Variants in SH3BP4 observed in about 807,000 individuals in gnomAD.
The protein encoded by SH3BP4 is SH3 domain binding protein 4.
In SH3BP4, 33 loss-of-function variants were observed where a neutral mutation model predicts 65.5. The observed-to-expected ratio is 0.50, with a 90% CI of 0.38 to 0.67. The LOEUF (loss-of-function observed/expected upper bound fraction) is 0.67, where lower values mean the gene tolerates loss of function less well. SH3BP4 is among the 30% of genes least tolerant of loss of function. The pLI is 0.00. For synonymous variants in SH3BP4, 552 were observed against 545.5 expected, an observed-to-expected ratio of 1.01 and a Z score of -0.17; for missense variants, 1,134 against 1,261.4, an observed-to-expected ratio of 0.90 and a Z score of 1.53.
chr2:235,049,987 T>G (rs1049886791), intron 4 of SH3BP4, among the ~76,000 whole-genome samples: 86 of 152,174 alleles, frequency 5.7e-4, no homozygotes, highest in African/African-American at 2.0e-3. Context: ...CATTTCTCGG[T>G]GTGAAACCCA....
At chr2:235,020,088 A>T (rs1246279127) in intron 2 of SH3BP4, among the ~76,000 whole-genome samples, 1 of 152,222 alleles carries the variant, frequency 6.6e-6, no homozygotes, top group Admixed American at 6.5e-5. Context: ...AAGGCAGTGA[A>T]ACAGACACCA....
At chr2:235,011,310 T>C (rs1694497631) in intron 2 of SH3BP4, among the ~76,000 whole-genome samples, 1 of 152,262 alleles carries the variant, frequency 6.6e-6, no homozygotes, top group Non-Finnish European at 1.5e-5. Context: ...TCAAAAAATA[T>C]CTGCCTTCAT....
intron 5 of SH3BP4, 56 bp from the exon 6 acceptor site, chr2:235,053,536 C>T: frequency 2.2e-6 from 3 of 1,357,416 alleles, no homozygotes; most frequent in South Asian, 1.2e-5. Context: ...CTCGTTCTGT[C>T]TCCTAATCTT....
At chr2:235,005,650 C>T (rs944577725) in intron 2 of SH3BP4, among the ~76,000 whole-genome samples, 9 of 152,192 alleles carry the variant, frequency 5.9e-5, no homozygotes, top group African/African-American at 1.7e-4. Context: ...TTGGCTTCCT[C>T]GTGTCCAGGC....
chr2:234,969,604 G>C (rs1489637485), intron 1 of SH3BP4, among the ~76,000 whole-genome samples: 2 of 152,198 alleles, frequency 1.3e-5, no homozygotes. Context: ...GACTTCCAAG[G>C]GCTTCGTGGT....
At chr2:235,024,778 A>C (rs906377889) in intron 2 of SH3BP4, among the ~76,000 whole-genome samples, 1 of 152,184 alleles carries the variant, frequency 6.6e-6, no homozygotes, top group African/African-American at 2.4e-5. Flanking sequence ...GGGTTGATTG[A>C]TAAAGAAGTA....
At chr2:235,044,001 G>C (rs899465153) in intron 4 of SH3BP4, among the ~76,000 whole-genome samples, 1 of 152,248 alleles carries the variant, frequency 6.6e-6, no homozygotes, top group African/African-American at 2.4e-5. Flanking sequence ...AAGGCGGCCT[G>C]TGCTCTCGCC....
At position 234,977,440 on chromosome 2, in the gene SH3BP4, C is replaced by T. The variant is rs906282016; in HGVS notation, c.-206-17863C>T. 2.0e-5 allele frequency among the ~76,000 whole-genome samples: 3 copies of T among 152,226 alleles called. No homozygotes were observed. Among genetic ancestry groups the T allele is most frequent in the African/African-American group, 7.2e-5 (3 of 41,460 alleles). ...TCCTGGCCAGTGAGGAGCTTCTAAACACGGAGGCAGATCAGCTTTTTGCCG... is the reference window on the plus strand; with the variant it reads ...TCCTGGCCAGTGAGGAGCTTCTAAATACGGAGGCAGATCAGCTTTTTGCCG... On this transcript the variant is annotated intron_variant, in intron 1 of 5. Coordinates refer to ENST00000392011, the MANE Select transcript of SH3BP4 (RefSeq NM_014521.3). This position sits in a 1 kb window ranked among gnomAD's most constrained non-coding sequence, Gnocchi z 5.1.
At chr2:235,047,822 T>C (rs1695918153) in intron 4 of SH3BP4, among the ~76,000 whole-genome samples, 1 of 151,968 alleles carries the variant, frequency 6.6e-6, no homozygotes, top group Non-Finnish European at 1.5e-5. Context: ...GGCGTTTTGG[T>C]CAAGTTGCGG....
intron 2 of SH3BP4, among the ~76,000 whole-genome samples, chr2:235,014,316 C>T (rs1222289552): frequency 1.3e-5 from 2 of 152,138 alleles, no homozygotes; most frequent in African/African-American, 2.4e-5. Context: ...GTGGAGGCCT[C>T]GTCCCTCTTT....
chr2:234,976,708 G>A lies in SH3BP4; in HGVS notation c.-206-18595G>A, dbSNP rs557849463. Among the ~76,000 whole-genome samples the A allele has an allele frequency of 5.9e-5, 9 of 151,786 alleles. No homozygotes were observed. Among genetic ancestry groups the A allele is most frequent in the Non-Finnish European group, 1.2e-4 (8 of 68,022 alleles). On this transcript the variant is annotated intron_variant, in intron 1 of 5. Transcript: ENST00000392011. The surrounding 1 kb of genome is among the most constrained non-coding windows in gnomAD (Gnocchi z 4.7). Reference sequence around the variant, plus strand: ...TGTGGCAAGAAGGACACCTGCCTCTGGTCTTCCTCTCAGTAACACACAACC... The same window carrying A: ...TGTGGCAAGAAGGACACCTGCCTCTAGTCTTCCTCTCAGTAACACACAACC...
In SH3BP4 at chr2:235,014,093, TA is replaced by T. The variant is rs200365903; in HGVS notation, c.-133+18727del. On this transcript the variant is annotated intron_variant, in intron 2 of 5. Transcript: ENST00000392011. Reference sequence around the variant, plus strand: ...CTATTAAAGTATATGTTAATCAACTTAAAAAAAAAAGAAATGCCTTTGCGTG... The same window carrying T: ...CTATTAAAGTATATGTTAATCAACTTAAAAAAAAAGAAATGCCTTTGCGTG... Among the ~76,000 whole-genome samples, 15 of 149,194 alleles carry T rather than the reference TA, an allele frequency of 1.0e-4. No individual in the cohort carries two copies. The East Asian group carries it at 1.2e-3, about 12-fold the overall frequency.
At chr2:235,029,968 G>A (rs181263003) in intron 2 of SH3BP4, among the ~76,000 whole-genome samples, 174 of 152,320 alleles carry the variant, frequency 1.1e-3, no homozygotes, top group African/African-American at 3.9e-3. Flanking sequence ...AGAGGTGGAC[G>A]GTGTTGGGCC....
intron 3 of SH3BP4, among the ~76,000 whole-genome samples, chr2:235,038,381 ATAT>A (rs1695515439): frequency 2.5e-5 from 1 of 40,426 alleles, no homozygotes; most frequent in African/African-American, 1.3e-4. Flanking sequence ...ATATACATAT[ATAT>A]ATATATATAT....
intron 2 of SH3BP4, among the ~76,000 whole-genome samples, chr2:235,022,508 G>A (rs145534060): frequency 2.1e-4 from 32 of 152,086 alleles, no homozygotes; most frequent in Middle Eastern, 3.4e-3. Context: ...GCGACAGAGC[G>A]AGACTCTGTC....
Position 235,041,451 on chromosome 2 carries a change from G to C in SH3BP4, c.682G>C (p.Ala228Pro), listed in dbSNP as rs138703238. ...GCTTCCAGTCACAAACGGACTCCAC[G>C]CAGAGCCGCCGGTCAGGCGGGACAA... is the stretch of plus-strand genomic sequence containing the variant. ...DELPVTNGLH[A>P]EPPVRRDNPF... The change falls in exon 4 of 6, where the codon GCA becomes CCA. Residue 228 changes from alanine (A) to proline (P), a missense_variant. Ala to Pro is a conservative substitution (Grantham distance 27). Transcript: ENST00000392011. This position sits in a 1 kb window ranked among gnomAD's most constrained non-coding sequence, Gnocchi z 6.0. The C allele has an allele frequency of 1.2e-5, 19 of 1,614,142 alleles. No individual in the cohort carries two copies. The African/African-American group carries it at 1.6e-4, about 14-fold the overall frequency.
chr2:235,042,909 G>C lies in SH3BP4; in HGVS notation c.2140G>C (p.Val714Leu). ...IGYYQGRVGL[V>L]HTKNVLVVGR... ...CTACTACCAGGGCAGGGTGGGCCTC[G>C]TGCACACCAAGAACGTGCTGGTGGT... Residue 714 changes from valine to leucine, a missense_variant, in exon 4 of 6, where the codon GTG (valine) becomes CTG (leucine). Physicochemically the swap from Val to Leu is conservative, Grantham distance 32 (BLOSUM62 1). Coordinates refer to ENST00000392011, the MANE Select transcript of SH3BP4 (RefSeq NM_014521.3). This position sits in a 1 kb window ranked among gnomAD's most constrained non-coding sequence, Gnocchi z 7.3. The C allele has an allele frequency of 1.2e-6, 2 of 1,613,322 alleles. No homozygotes were observed. The highest frequency in any genetic ancestry group is 4.5e-5 in the East Asian group (2 of 44,870).
rs1268883409 is a variant in SH3BP4 at position 235,041,354 on chromosome 2, T to G, written c.585T>G (p.Phe195Leu). 1 of 1,614,202 alleles carries G rather than the reference T, an allele frequency of 6.2e-7. No individual in the cohort carries two copies. Among genetic ancestry groups the G allele is most frequent in the African/African-American group, 1.3e-5 (1 of 75,064 alleles). ...NPKSTVDLLL[F>L]DAGTSSFTES... ...AAAGTACTGTGGATTTGCTCCTTTT[T>G]GACGCAGGTACATCCTCCTTCACCG... The change falls in exon 4 of 6, where the codon TTT becomes TTG. Residue 195 changes from phenylalanine to leucine, a missense_variant. By Grantham distance (22) the Phe-to-Leu change is conservative. Transcript: ENST00000392011. This position sits in a 1 kb window ranked among gnomAD's most constrained non-coding sequence, Gnocchi z 6.0.
rs1417366627 is a variant in SH3BP4 at position 235,054,707 on chromosome 2, G to A, written c.*891G>A. ...GTTTTTTCCTTGAGGTCAAAGCAGT[G>A]CTTCCCATAGAGTTTGCTGCCTCTT... On this transcript the variant is annotated 3_prime_UTR_variant, in exon 6 of 6. Transcript: ENST00000392011. 1 of 152,196 alleles carries A rather than the reference G, an allele frequency of 6.6e-6. No individual in the cohort carries two copies. The highest frequency in any genetic ancestry group is 2.4e-5 in the African/African-American group (1 of 41,448). The allele number at this position is 152,196 out of a possible 1,614,324, so 9.4% of individuals were successfully genotyped here. A position where few individuals can be genotyped will look rare whatever the true frequency, so the allele number is the denominator to read the frequency against.
Sources: gnomAD v4.1 joint callset for allele counts (sites outside exome capture counted in the v4.1 genomes callset) on GRCh38, gnomAD v4.1.1 for gene constraint, Gnocchi (gnomAD v3.1) non-coding constraint, MANE v1.5 for transcripts, NCBI Gene and HGNC (gene_info 2026-07-23, HGNC 2026-07-21) for gene names.